The following TTC39C variants were observed in gnomAD, a reference collection of about 807,000 sequenced individuals.
TTC39C encodes tetratricopeptide repeat protein 39C.
TTC39C carries 33 observed loss-of-function variants against 76.3 expected under a neutral mutation model. That is an observed-to-expected ratio of 0.43 (90% CI 0.33 to 0.58). The LOEUF (loss-of-function observed/expected upper bound fraction) is 0.58. TTC39C is among the 20% of genes least tolerant of loss of function. The pLI, the probability that TTC39C is intolerant of heterozygous loss-of-function variation, is 0.04. For missense variants in TTC39C, 595 were observed against 701.4 expected (o/e 0.85, Z 1.71); for synonymous variants, 254 against 260.6 (o/e 0.97, Z 0.24).
chr18:24,024,644 A>G (rs761878790), intron 1 of TTC39C, among the ~76,000 whole-genome samples: 1 of 152,168 alleles, frequency 6.6e-6, no homozygotes, highest in Non-Finnish European at 1.5e-5. Context: ...GTGTTAAGAC[A>G]TAGGATGTGT....
Position 24,080,746 on chromosome 18 carries a change from T to C in TTC39C, c.622T>C (p.Ser208Pro). 3 of 1,614,170 alleles carry C rather than the reference T, an allele frequency of 1.9e-6. No homozygotes were observed. Among genetic ancestry groups the C allele is most frequent in the Non-Finnish European group, 2.5e-6 (3 of 1,180,026 alleles). Residue 208 changes from serine (S) to proline (P), a missense_variant, in exon 5 of 14, where the codon TCT (serine) becomes CCT (proline). Coordinates refer to ENST00000317571, the MANE Select transcript of TTC39C (RefSeq NM_001135993.2). ...TAATCACATTGTGGCTGAAGGGGTG[T>C]CTGAGGAGTCTCTGAACAGACTGAA... ...NDNHIVAEGV[S>P]EESLNRLKGA...
Position 24,015,024 on chromosome 18 carries a change from T to C in TTC39C, c.153T>C (p.Leu51=), listed in dbSNP as rs1288522949. The C allele has an allele frequency of 1.4e-6, 2 of 1,480,696 alleles. No homozygotes were observed. Among genetic ancestry groups the C allele is most frequent in the Non-Finnish European group, 1.8e-6 (2 of 1,112,612 alleles). The allele number at this position is 1,480,696 out of a possible 1,614,324, so 91.7% of individuals were successfully genotyped here. The change falls in exon 1 of 14, where the codon CTT becomes CTC. Residue 51 remains leucine, a synonymous_variant. Coordinates refer to ENST00000317571, the MANE Select transcript of TTC39C (RefSeq NM_001135993.2). Reference sequence around the variant, plus strand: ...ACGGCTTCAGGGAGTCGGACCAGCTTTTCAAACAATACAGGTGACCCACGC... The same window carrying C: ...ACGGCTTCAGGGAGTCGGACCAGCTCTTCAAACAATACAGGTGACCCACGC... ...LNNGFRESDQ[L]FKQYRNHSPL...
At chr18:24,052,121 C>A (rs1365875048) in intron 1 of TTC39C, among the ~76,000 whole-genome samples, 1 of 152,158 alleles carries the variant, frequency 6.6e-6, no homozygotes, top group Non-Finnish European at 1.5e-5. Flanking sequence ...TCAAAGATGG[C>A]AAGTAGCCTT....
chr18:24,057,788 T>C (rs1298847470), intron 1 of TTC39C, among the ~76,000 whole-genome samples: 1 of 152,192 alleles, frequency 6.6e-6, no homozygotes, highest in East Asian at 1.9e-4. Context: ...AAATTACTGG[T>C]TTACCCAGTA....
intron 6 of TTC39C, among the ~76,000 whole-genome samples, chr18:24,102,011 G>C (rs1004024571): frequency 7.2e-5 from 11 of 152,182 alleles, no homozygotes; most frequent in African/African-American, 2.4e-4. Flanking sequence ...GCCCAGCCCA[G>C]CTTTCTGAGC....
At chr18:24,082,078 C>A (rs561963381) in intron 5 of TTC39C, among the ~76,000 whole-genome samples, 1 of 137,542 alleles carries the variant, frequency 7.3e-6, no homozygotes, top group Non-Finnish European at 1.5e-5. Flanking sequence ...AGTGCAGTGG[C>A]GCGATCTCGG....
At chr18:24,083,187 G>T in intron 6 of TTC39C, 106 bp downstream of exon 6, 1 of 1,182,108 alleles carries the variant, frequency 8.5e-7, no homozygotes, top group Admixed American at 2.9e-5. Context: ...CCAGGGCCCC[G>T]GAGCATTTTG....
rs921677609 is a variant in TTC39C at position 24,069,089 on chromosome 18, A to T, written c.346-68A>T. 2.4e-6 allele frequency: 3 copies of T among 1,268,930 alleles called. No individual in the cohort carries two copies. In the African/African-American group the frequency reaches 4.4e-5, roughly 19 times the overall value. The allele number at this position is 1,268,930 out of a possible 1,614,324, so 78.6% of individuals were successfully genotyped here. On this transcript the variant is annotated intron_variant, in intron 3 of 13. Coordinates refer to ENST00000317571, the MANE Select transcript of TTC39C (RefSeq NM_001135993.2). ...TGAAATTATCTTGTACAATAACCTG[A>T]TACTGTTTGGGGGAACTGTCGTTGT...
At chr18:24,016,635 T>C (rs1471220393) in intron 1 of TTC39C, 6 of 398,412 alleles carry the variant, frequency 1.5e-5, no homozygotes, top group African/African-American at 6.2e-5. Context: ...TTTTGCACTA[T>C]CTAAGAAATT....
At chr18:23,997,905 T>G (rs1480781956) in intron 1 of TTC39C, among the ~76,000 whole-genome samples, 3 of 151,354 alleles carry the variant, frequency 2.0e-5, no homozygotes, top group Admixed American at 6.6e-5. Flanking sequence ...AAAAAGAAAT[T>G]GGTTTAGAGA....
At chr18:23,996,714 C>A (rs2083264038) in intron 1 of TTC39C, among the ~76,000 whole-genome samples, 1 of 152,178 alleles carries the variant, frequency 6.6e-6, no homozygotes, top group Non-Finnish European at 1.5e-5. Flanking sequence ...ATATACATAG[C>A]CCAGCAGATT....
At chr18:24,108,448 T>C (rs2084773709) in intron 6 of TTC39C, among the ~76,000 whole-genome samples, 2 of 152,204 alleles carry the variant, frequency 1.3e-5, no homozygotes, top group Non-Finnish European at 2.9e-5. Context: ...ACTCTAGACA[T>C]GGAAACTTTT....
chr18:24,115,750 A>G (rs2145810960), intron 7 of TTC39C, among the ~76,000 whole-genome samples: 1 of 152,374 alleles, frequency 6.6e-6, no homozygotes, highest in South Asian at 2.1e-4. Context: ...ACTGCCCAAT[A>G]AACAATATTA....
At chr18:24,060,306 C>T (rs1164530245) in intron 1 of TTC39C, among the ~76,000 whole-genome samples, 2 of 136,986 alleles carry the variant, frequency 1.5e-5, no homozygotes, top group Non-Finnish European at 3.1e-5. Flanking sequence ...TTTTGATTTG[C>T]GTTTCTGTTT....
rs1443487686 is a variant in TTC39C, at chr18:24,016,676, A to G, written c.167+1638A>G. ...CACTGTTAATAGAAGGCAGTATATG[A>G]GTGGTTGGAAAACTCTCTCCCAGCA... On this transcript the variant is annotated intron_variant, in intron 1 of 13. Coordinates refer to ENST00000317571, the MANE Select transcript of TTC39C (RefSeq NM_001135993.2). 53 of 398,438 alleles carry G rather than the reference A, an allele frequency of 1.3e-4. No homozygotes were observed. In the Admixed American group the frequency reaches 2.3e-3, roughly 17 times the overall value. The allele number at this position is 398,438 out of a possible 1,614,324, so 24.7% of individuals were successfully genotyped here.
chr18:24,010,799 G>C (rs752414390), upstream of TTC39C, among the ~76,000 whole-genome samples: 7 of 152,174 alleles, frequency 4.6e-5, no homozygotes, highest in Non-Finnish European at 7.3e-5. Context: ...TGTAATCCCA[G>C]CACTCTAAGA....
chr18:24,014,928 GGCA>G lies in TTC39C; in HGVS notation c.60_62del (p.Ala25del). The G allele has an allele frequency of 6.6e-7, 1 of 1,522,824 alleles. No individual in the cohort carries two copies. 94.3% of individuals were successfully genotyped at this position (1,522,824 alleles called of 1,614,324 possible). A position where few individuals can be genotyped will look rare whatever the true frequency, so the allele number is the denominator to read the frequency against. On this transcript the variant is annotated inframe_deletion, in exon 1 of 14. Transcript: ENST00000317571. ...GGCGGGACGACGGAGACTCGGACGC[GGCA>G]GCGGCGGCGGCGGCGCCCCTGCAGG... is the stretch of plus-strand genomic sequence containing the variant.
At chr18:24,051,059 T>C (rs1195846674) in intron 1 of TTC39C, among the ~76,000 whole-genome samples, 1 of 151,944 alleles carries the variant, frequency 6.6e-6, no homozygotes, top group African/African-American at 2.4e-5. Flanking sequence ...AAGGGCCTGG[T>C]TATTATTGTT....
intron 1 of TTC39C, among the ~76,000 whole-genome samples, chr18:24,047,635 A>G (rs1343977383): frequency 1.3e-5 from 2 of 151,972 alleles, no homozygotes; most frequent in East Asian, 1.9e-4. Context: ...TTTTGGTAGC[A>G]GGAAAGCAGA....
Sources: allele counts gnomAD v4.1 joint callset (sites outside exome capture counted in the v4.1 genomes callset), GRCh38; gene constraint gnomAD v4.1.1; transcripts MANE v1.5; gene names NCBI Gene and HGNC (gene_info 2026-07-23, HGNC 2026-07-21).